Variants in MAGI2 observed in about 807,000 individuals in gnomAD.
MAGI2 encodes membrane associated guanylate kinase, WW and PDZ domain containing 2, also known as membrane-associated guanylate kinase, WW and PDZ domain-containing protein 2.
In MAGI2, 35 loss-of-function variants were observed where a neutral mutation model predicts 133.3. That is an observed-to-expected ratio of 0.26 (90% CI 0.20 to 0.35). The LOEUF (loss-of-function observed/expected upper bound fraction) is 0.35. Among genes scored for constraint, MAGI2 ranks in the 10% least tolerant of loss-of-function variants. The pLI is 1.00. For synonymous variants in MAGI2, 729 were observed against 710.6 expected (o/e 1.03, Z -0.41); for missense variants, 1,636 against 1,863.4 (o/e 0.88, Z 2.25).
At chr7:78,833,091 T>C (rs914666269) in intron 2 of MAGI2, among the ~76,000 whole-genome samples, 7 of 152,196 alleles carry the variant, frequency 4.6e-5, no homozygotes, top group Non-Finnish European at 1.0e-4. Context: ...CATGTTTCTA[T>C]GGATTGTTTG....
chr7:78,293,852 G>A (rs1463540664), intron 9 of MAGI2, among the ~76,000 whole-genome samples: 1 of 152,114 alleles, frequency 6.6e-6, no homozygotes, highest in African/African-American at 2.4e-5. Context: ...ATCAAACACT[G>A]CATGTTCTCA....
intron 2 of MAGI2, among the ~76,000 whole-genome samples, chr7:78,910,779 G>A (rs1256497484): frequency 6.6e-6 from 1 of 152,136 alleles, no homozygotes; most frequent in Non-Finnish European, 1.5e-5. Flanking sequence ...TTGATAAAAT[G>A]TCTCTAGTTC....
chr7:78,313,246 T>A (rs911795335), intron 9 of MAGI2, among the ~76,000 whole-genome samples: 1 of 152,114 alleles, frequency 6.6e-6, no homozygotes. Flanking sequence ...ATGAATACCA[T>A]GTACACTATT....
At chr7:78,874,818 T>C (rs1198567313) in intron 2 of MAGI2, among the ~76,000 whole-genome samples, 2 of 152,192 alleles carry the variant, frequency 1.3e-5, no homozygotes, top group Non-Finnish European at 2.9e-5. Flanking sequence ...AAGTAACGGA[T>C]AGGCTAATTG....
chr7:78,851,579 G>A (rs973248228), intron 2 of MAGI2, among the ~76,000 whole-genome samples: 3 of 151,990 alleles, frequency 2.0e-5, no homozygotes, highest in Admixed American at 6.6e-5. Flanking sequence ...GTTTCTATAT[G>A]CCCTTGCTTT....
chr7:78,987,499 CTG>C (rs1190079573), intron 2 of MAGI2, among the ~76,000 whole-genome samples: 2 of 152,120 alleles, frequency 1.3e-5, no homozygotes, highest in South Asian at 2.1e-4. Flanking sequence ...ATAAAAAACA[CTG>C]TGGTACTTTT....
chr7:79,200,994 TAC>T (rs1828560618), intron 1 of MAGI2, among the ~76,000 whole-genome samples: 1 of 151,910 alleles, frequency 6.6e-6, no homozygotes, highest in Admixed American at 6.6e-5. Flanking sequence ...ATGTCACGAG[TAC>T]ACACATTTGT....
chr7:78,794,170 G>C (rs1299304933), intron 2 of MAGI2, among the ~76,000 whole-genome samples: 1 of 152,146 alleles, frequency 6.6e-6, no homozygotes. Context: ...AATTACAACT[G>C]ACTAAGAACT....
chr7:78,814,472 A>G (rs1789382291), intron 2 of MAGI2, among the ~76,000 whole-genome samples: 1 of 152,246 alleles, frequency 6.6e-6, no homozygotes, highest in African/African-American at 2.4e-5. Context: ...TTTAACCAGT[A>G]AAATAAAAAT....
chr7:79,026,731 C>A (rs570419451), intron 1 of MAGI2, among the ~76,000 whole-genome samples: 7 of 151,434 alleles, frequency 4.6e-5, no homozygotes, highest in African/African-American at 1.7e-4. Context: ...AAACTTAGTC[C>A]GGTGTGTTGG....
At position 78,691,959 on chromosome 7, in the gene MAGI2, C is replaced by T. The variant is rs561983864; in HGVS notation, c.419-64720G>A. On this transcript the variant is annotated intron_variant, in intron 2 of 21. Transcript: ENST00000354212. Reference sequence around the variant, plus strand: ...TATCGATTGTAACCAATTACCACTCCGGTGGGCATGTTAATAATGGGAAAA... The same window carrying T: ...TATCGATTGTAACCAATTACCACTCTGGTGGGCATGTTAATAATGGGAAAA... Among the ~76,000 whole-genome samples the T allele has an allele frequency of 3.9e-5, 6 of 152,136 alleles. No individual in the cohort carries two copies. In the East Asian group the frequency reaches 7.7e-4, roughly 20 times the overall value.
chr7:78,883,245 T>G (rs377662162), intron 2 of MAGI2, among the ~76,000 whole-genome samples: 11 of 152,052 alleles, frequency 7.2e-5, no homozygotes, highest in African/African-American at 1.9e-4. Context: ...GCAATCCCAT[T>G]TGTAATAGAC....
At chr7:78,771,638 T>A (rs1585365003) in intron 2 of MAGI2, among the ~76,000 whole-genome samples, 2 of 152,334 alleles carry the variant, frequency 1.3e-5, no homozygotes, top group Admixed American at 1.3e-4. Flanking sequence ...AGCATGACTG[T>A]TTCTTTTCCT....
intron 1 of MAGI2, among the ~76,000 whole-genome samples, chr7:79,332,745 T>C (rs562560053): frequency 6.6e-6 from 1 of 152,348 alleles, no homozygotes; most frequent in South Asian, 2.1e-4. Context: ...ACACTCTTGG[T>C]AATTTCTATA....
chr7:78,808,908 G>A (rs1274057411), intron 2 of MAGI2, among the ~76,000 whole-genome samples: 1 of 152,138 alleles, frequency 6.6e-6, no homozygotes, highest in Admixed American at 6.5e-5. Context: ...GCAACACGCT[G>A]GCATCTTTTT....
chr7:78,385,521 T>C (rs1013739531), intron 6 of MAGI2, among the ~76,000 whole-genome samples: 2 of 152,186 alleles, frequency 1.3e-5, no homozygotes, highest in Non-Finnish European at 2.9e-5. Context: ...TTGGTATTAA[T>C]CTAAGGCATC....
At chr7:78,302,157 T>C (rs1797886944) in intron 9 of MAGI2, among the ~76,000 whole-genome samples, 1 of 152,242 alleles carries the variant, frequency 6.6e-6, no homozygotes, top group Non-Finnish European at 1.5e-5. Flanking sequence ...CAATAAGTTA[T>C]TGAATTACAT....
intron 9 of MAGI2, among the ~76,000 whole-genome samples, chr7:78,326,377 G>A (rs1237656664): frequency 6.6e-6 from 1 of 152,158 alleles, no homozygotes; most frequent in Non-Finnish European, 1.5e-5. Context: ...CTCTGTCCTT[G>A]CTCTGCAGTC....
intron 1 of MAGI2, among the ~76,000 whole-genome samples, chr7:79,033,549 A>G (rs1810815642): frequency 6.6e-6 from 1 of 152,068 alleles, no homozygotes; most frequent in South Asian, 2.1e-4. Flanking sequence ...AAGACTCAAT[A>G]CTCCAAAGGA....
Sources: allele counts gnomAD v4.1 joint callset (sites outside exome capture counted in the v4.1 genomes callset), GRCh38; gene constraint gnomAD v4.1.1; transcripts MANE v1.5; gene names NCBI Gene and HGNC (gene_info 2026-07-23, HGNC 2026-07-21).